Variants in PLOD1 observed in about 807,000 individuals in gnomAD.
The protein encoded by PLOD1 is procollagen-lysine,2-oxoglutarate 5-dioxygenase 1.
In PLOD1, 70 loss-of-function variants were observed where a neutral mutation model predicts 94.7. The ratio of observed to expected loss-of-function variants is 0.74; its 90% CI spans 0.61 to 0.90. The LOEUF is 0.90. PLOD1 is among the 40% of genes least tolerant of loss of function. The probability of loss-of-function intolerance (pLI) is 0.00; values close to 1 mark genes in which losing one functional copy is unlikely to be tolerated. For missense variants in PLOD1, 905 were observed against 972.7 expected (o/e 0.93, Z 0.93); for synonymous variants, 417 against 400.2 (o/e 1.04, Z -0.50).
chr1:11,956,414 A>G (rs953977026), intron 6 of PLOD1, among the ~76,000 whole-genome samples: 2 of 152,074 alleles, frequency 1.3e-5, no homozygotes, highest in African/African-American at 2.4e-5. Flanking sequence ...CACACACAAA[A>G]AACATGAGTA....
intron 17 of PLOD1, 102 bp downstream of exon 17, chr1:11,970,918 G>A (rs549276527): frequency 1.8e-5 from 19 of 1,075,892 alleles, no homozygotes; most frequent in Non-Finnish European, 2.5e-5. Flanking sequence ...GGAGAAACTG[G>A]GAGGGGCCGA....
rs1278163756 is a variant in PLOD1, at chr1:11,974,882, G to A, written c.*74G>A. On this transcript the variant is annotated 3_prime_UTR_variant, in exon 19 of 19. Coordinates refer to ENST00000196061, the MANE Select transcript of PLOD1 (RefSeq NM_000302.4). ...TGCCCAGCAGCCTCTGGGACCTCGGGGTCCCAGGGAACCCAGTCCAGCCTC... is the reference window on the plus strand; with the variant it reads ...TGCCCAGCAGCCTCTGGGACCTCGGAGTCCCAGGGAACCCAGTCCAGCCTC... The A allele has an allele frequency of 6.7e-7, 1 of 1,485,700 alleles. No homozygotes were observed. Among genetic ancestry groups the A allele is most frequent in the Non-Finnish European group, 9.4e-7 (1 of 1,063,380 alleles). 92.0% of individuals were successfully genotyped at this position (1,485,700 alleles called of 1,614,324 possible). A position where few individuals can be genotyped will look rare whatever the true frequency, so the allele number is the denominator to read the frequency against.
chr1:11,965,945 A>G (rs1645813995), intron 14 of PLOD1, among the ~76,000 whole-genome samples: 1 of 152,190 alleles, frequency 6.6e-6, no homozygotes, highest in Non-Finnish European at 1.5e-5. Flanking sequence ...GGGTGTTGTG[A>G]TGATCAGAAG....
intron 1 of PLOD1, among the ~76,000 whole-genome samples, chr1:11,941,782 A>G (rs1405018867): frequency 1.3e-5 from 2 of 151,868 alleles, no homozygotes; most frequent in Non-Finnish European, 2.9e-5. Flanking sequence ...CCGCGCCCGG[A>G]CTAGTAGCTG....
chr1:11,942,710 G>C (rs1380058638), intron 1 of PLOD1, among the ~76,000 whole-genome samples: 1 of 152,194 alleles, frequency 6.6e-6, no homozygotes, highest in Non-Finnish European at 1.5e-5. Context: ...CCCAGTGTCA[G>C]CGGACCAAGG....
intron 1 of PLOD1, among the ~76,000 whole-genome samples, chr1:11,936,869 CAG>C (rs1645583125): frequency 7.5e-6 from 1 of 132,836 alleles, no homozygotes; most frequent in Non-Finnish European, 1.6e-5. Context: ...TTTTTTGAGG[CAG>C]AGTTTCACTC....
At chr1:11,950,325 C>G (rs765008929) in intron 3 of PLOD1, 32 bp from the exon 4 acceptor site, 1 of 1,612,436 alleles carries the variant, frequency 6.2e-7, no homozygotes, top group Non-Finnish European at 8.5e-7. Context: ...TCACCCTTGC[C>G]CTGCTCCGTC....
chr1:11,934,735 C>T lies in PLOD1; in HGVS notation c.-45C>T, dbSNP rs745989868. ...CGGCCCCGTCGCGAAGTTTCCAGCC[C>T]TGCGAGCGCCGCCGGGTCGGCCGAT... On this transcript the variant is annotated 5_prime_UTR_variant, in exon 1 of 19. Coordinates refer to ENST00000196061, the MANE Select transcript of PLOD1 (RefSeq NM_000302.4). 10 of 1,518,026 alleles carry T rather than the reference C, an allele frequency of 6.6e-6. No individual in the cohort carries two copies. In the Admixed American group the frequency reaches 1.0e-4, roughly 15 times the overall value. 94.0% of individuals were successfully genotyped at this position (1,518,026 alleles called of 1,614,324 possible).
intron 4 of PLOD1, among the ~76,000 whole-genome samples, chr1:11,951,253 C>G (rs1457266760): frequency 6.6e-6 from 1 of 152,148 alleles, no homozygotes; most frequent in East Asian, 1.9e-4. Context: ...CATCCAGCAG[C>G]CAGAGGTGTC....
chr1:11,943,300 C>CTTTCT (rs112531381), intron 1 of PLOD1, among the ~76,000 whole-genome samples: 12,451 of 141,390 alleles, frequency 0.088, 576 homozygotes, highest in East Asian at 0.12. Context: ...TTTTTTCTTT[C>CTTTCT]TTTTTTTTTT....
At chr1:11,964,890 T>A in intron 13 of PLOD1, 105 bp downstream of exon 13, 1 of 1,250,944 alleles carries the variant, frequency 8.0e-7, no homozygotes, top group Non-Finnish European at 1.2e-6. Flanking sequence ...ACCGTAGGCC[T>A]GGGAGCTCCA....
At chr1:11,950,267 G>A (rs1421872294) in intron 3 of PLOD1, 90 bp from the exon 4 acceptor site, 4 of 1,286,566 alleles carry the variant, frequency 3.1e-6, no homozygotes, top group East Asian at 4.6e-5. Context: ...CATTTGTGGA[G>A]CACTTGATCC....
intron 16 of PLOD1, among the ~76,000 whole-genome samples, chr1:11,969,612 G>C (rs539999363): frequency 6.6e-6 from 1 of 152,190 alleles, no homozygotes; most frequent in Non-Finnish European, 1.5e-5. Context: ...AATAACACCC[G>C]TGTGTTATCT....
intron 9 of PLOD1, among the ~76,000 whole-genome samples, chr1:11,960,212 T>C (rs1645768290): frequency 6.6e-6 from 1 of 152,168 alleles, no homozygotes; most frequent in Non-Finnish European, 1.5e-5. Context: ...CCTGGTGATC[T>C]ACCCGCCTCG....
chr1:11,959,618 ATTTTTTTT>A (rs796969636), intron 9 of PLOD1, among the ~76,000 whole-genome samples: 77 of 93,134 alleles, frequency 8.3e-4, no homozygotes, highest in African/African-American at 2.9e-3. Context: ...AATTTTTTGT[ATTTTTTTT>A]TTTTTTTTTG....
chr1:11,951,868 G>T (rs1323230089), intron 4 of PLOD1, among the ~76,000 whole-genome samples: 2 of 152,146 alleles, frequency 1.3e-5, no homozygotes, highest in Middle Eastern at 3.4e-3. Flanking sequence ...GCAGTGAGCC[G>T]AGATCGTGCC....
At chr1:11,955,901 C>G (rs76547980) in intron 6 of PLOD1, among the ~76,000 whole-genome samples, 26 of 152,172 alleles carry the variant, frequency 1.7e-4, no homozygotes, top group Non-Finnish European at 3.4e-4. Context: ...GCTGAGATTA[C>G]AGACGTGAGC....
In PLOD1 at chr1:11,934,772, C is replaced by G. The variant is rs1645565796; in HGVS notation, c.-8C>G. 1.3e-6 allele frequency: 2 copies of G among 1,535,604 alleles called. No homozygotes were observed. Among genetic ancestry groups the G allele is most frequent in the Non-Finnish European group, 1.7e-6 (2 of 1,144,384 alleles). ...CCGGGTCGGCCGATCGTCCCCCATA[C>G]CTCGGCCATGCGGCCCCTGCTGCTA... On this transcript the variant is annotated 5_prime_UTR_variant, in exon 1 of 19. Transcript: ENST00000196061.
Position 11,957,471 on chromosome 1 carries a change from G to A in PLOD1, c.742-371G>A, listed in dbSNP as rs1382037978. On this transcript the variant is annotated intron_variant, in intron 7 of 18. Transcript: ENST00000196061. This position sits in a 1 kb window ranked among gnomAD's most constrained non-coding sequence, Gnocchi z 4.1. Reference sequence around the variant, plus strand: ...CTGGTCCCTGGGGAACTGGCTCATAGCTCATAGCATATTTGAGTGTGGTCC... The same window carrying A: ...CTGGTCCCTGGGGAACTGGCTCATAACTCATAGCATATTTGAGTGTGGTCC... Among the ~76,000 whole-genome samples the A allele has an allele frequency of 6.6e-6, 1 of 152,230 alleles. No individual in the cohort carries two copies. The highest frequency in any genetic ancestry group is 1.9e-4 in the East Asian group (1 of 5,204).
Sources: allele counts gnomAD v4.1 joint callset (sites outside exome capture counted in the v4.1 genomes callset), GRCh38; gene constraint gnomAD v4.1.1; non-coding constraint Gnocchi (gnomAD v3.1); transcripts MANE v1.5; gene names NCBI Gene and HGNC (gene_info 2026-07-23, HGNC 2026-07-21).